Variants in MYO5B observed in about 807,000 individuals in gnomAD.
The protein encoded by MYO5B is unconventional myosin-Vb.
Under a neutral mutation model 229.3 loss-of-function variants are expected in MYO5B, and 143 were observed. That is an observed-to-expected ratio of 0.62 (90% CI 0.54 to 0.72). The LOEUF (loss-of-function observed/expected upper bound fraction) is 0.72. MYO5B is among the 30% of genes least tolerant of loss of function. The pLI, the probability that MYO5B is intolerant of heterozygous loss-of-function variation, is 0.00. For missense variants in MYO5B, 2,321 were observed against 2,331.0 expected (o/e 1.00, Z 0.09); for synonymous variants, 918 against 885.2 (o/e 1.04, Z -0.66).
chr18:49,870,587 C>T (rs2024445544), intron 27 of MYO5B, among the ~76,000 whole-genome samples: 1 of 152,072 alleles, frequency 6.6e-6, no homozygotes, highest in African/African-American at 2.4e-5. Context: ...CAACACAAAA[C>T]CCCAAACAGC....
At chr18:49,957,938 C>T (rs189693628) in intron 12 of MYO5B, among the ~76,000 whole-genome samples, 1 of 152,164 alleles carries the variant, frequency 6.6e-6, no homozygotes, top group Non-Finnish European at 1.5e-5. Flanking sequence ...TGGCCCCCCC[C>T]AGGACTCTGC....
intron 14 of MYO5B, among the ~76,000 whole-genome samples, chr18:49,944,763 T>C (rs1453942571): frequency 3.3e-5 from 5 of 152,144 alleles, no homozygotes; most frequent in Admixed American, 6.5e-5. Context: ...AGCTTCTCTG[T>C]TGCTTCAAAC....
intron 1 of MYO5B, among the ~76,000 whole-genome samples, chr18:50,075,613 C>T (rs935625041): frequency 2.8e-4 from 42 of 152,200 alleles, no homozygotes; most frequent in Non-Finnish European, 5.0e-4. Context: ...TGAGGTCCTA[C>T]ACTTTCCACC....
At chr18:49,900,054 C>G (rs139059280) in intron 21 of MYO5B, among the ~76,000 whole-genome samples, 11 of 152,282 alleles carry the variant, frequency 7.2e-5, no homozygotes, top group Admixed American at 6.5e-4. Flanking sequence ...CAATGCAGAG[C>G]CCCAAGGCTG....
At chr18:50,191,922 T>C (rs1343052476) in intron 1 of MYO5B, among the ~76,000 whole-genome samples, 1 of 152,194 alleles carries the variant, frequency 6.6e-6, no homozygotes, top group Admixed American at 6.5e-5. Flanking sequence ...ATCAAATTTA[T>C]GACGAAGTGT....
At chr18:49,977,218 A>G (rs2025761235) in intron 9 of MYO5B, among the ~76,000 whole-genome samples, 1 of 152,196 alleles carries the variant, frequency 6.6e-6, no homozygotes, top group Non-Finnish European at 1.5e-5. Flanking sequence ...TCGTACAATT[A>G]CATTTAGGCA....
At chr18:49,947,434 A>T (rs1192412829) in intron 14 of MYO5B, among the ~76,000 whole-genome samples, 2 of 152,164 alleles carry the variant, frequency 1.3e-5, no homozygotes, top group African/African-American at 4.8e-5. Context: ...TTGACAAAGG[A>T]CCCATACAAA....
chr18:49,893,873 T>C (rs1055530844), intron 22 of MYO5B, among the ~76,000 whole-genome samples: 2 of 152,108 alleles, frequency 1.3e-5, no homozygotes, highest in African/African-American at 2.4e-5. Context: ...CAGTGGGAAA[T>C]AGAAGAGAGA....
intron 2 of MYO5B, among the ~76,000 whole-genome samples, chr18:50,048,149 T>C (rs1598980457): frequency 6.7e-6 from 1 of 150,356 alleles, no homozygotes; most frequent in Non-Finnish European, 1.5e-5. Flanking sequence ...ACTGTTCTGC[T>C]GTGTCTCATT....
At chr18:50,013,453 C>A (rs2026183384) in intron 4 of MYO5B, among the ~76,000 whole-genome samples, 1 of 152,206 alleles carries the variant, frequency 6.6e-6, no homozygotes, top group South Asian at 2.1e-4. Context: ...GAGAAAACGA[C>A]ACTTATGTCA....
chr18:49,980,002 T>G (rs949298368), intron 9 of MYO5B, among the ~76,000 whole-genome samples: 5 of 152,226 alleles, frequency 3.3e-5, no homozygotes, highest in African/African-American at 9.6e-5. Flanking sequence ...GCCTGCCTTG[T>G]GCTGTCAGAA....
chr18:49,971,166 T>C (rs2144275058), intron 10 of MYO5B, among the ~76,000 whole-genome samples: 1 of 152,228 alleles, frequency 6.6e-6, no homozygotes, highest in Admixed American at 6.5e-5. Flanking sequence ...CCACAGAGGA[T>C]GAAAAACTCC....
At chr18:49,979,546 G>T (rs1423401039) in intron 9 of MYO5B, among the ~76,000 whole-genome samples, 1 of 152,212 alleles carries the variant, frequency 6.6e-6, no homozygotes, top group Non-Finnish European at 1.5e-5. Context: ...CAAACAGAAG[G>T]AGGTTAATTT....
intron 10 of MYO5B, among the ~76,000 whole-genome samples, chr18:49,965,827 A>G (rs1051426884): frequency 5.9e-5 from 9 of 152,168 alleles, no homozygotes; most frequent in Non-Finnish European, 8.8e-5. Context: ...ATGGAGGATG[A>G]TGTCCTAGAA....
chr18:50,061,229 A>G (rs2030678892), intron 1 of MYO5B, among the ~76,000 whole-genome samples: 1 of 152,196 alleles, frequency 6.6e-6, no homozygotes, highest in Non-Finnish European at 1.5e-5. Context: ...TAGCTTGTGT[A>G]AGTTGATGAA....
At chr18:50,172,495 G>A (rs1205687784) in intron 1 of MYO5B, among the ~76,000 whole-genome samples, 1 of 152,172 alleles carries the variant, frequency 6.6e-6, no homozygotes, top group Non-Finnish European at 1.5e-5. Flanking sequence ...GCCAAGCCCA[G>A]TATTCAAGCA....
At chr18:49,935,658 G>T (rs2025241248) in intron 16 of MYO5B, among the ~76,000 whole-genome samples, 1 of 152,214 alleles carries the variant, frequency 6.6e-6, no homozygotes, top group Non-Finnish European at 1.5e-5. Flanking sequence ...GATGTACAAA[G>T]ATCATTAAGA....
At chr18:49,893,839 G>A (rs1205813315) in intron 22 of MYO5B, among the ~76,000 whole-genome samples, 1 of 152,206 alleles carries the variant, frequency 6.6e-6, no homozygotes, top group Admixed American at 6.5e-5. Flanking sequence ...TCAGCTGCAT[G>A]TGAAGGCTCA....
chr18:49,962,907 C>A, intron 11 of MYO5B, 42 bp downstream of exon 11: 9 of 1,528,572 alleles, frequency 5.9e-6, no homozygotes, highest in Non-Finnish European at 8.2e-6. Flanking sequence ...CCAGAGGAGT[C>A]CCCCCAATCC....
Sources: allele counts gnomAD v4.1 joint callset (sites outside exome capture counted in the v4.1 genomes callset), GRCh38; gene constraint gnomAD v4.1.1; transcripts MANE v1.5; gene names NCBI Gene and HGNC (gene_info 2026-07-23, HGNC 2026-07-21).